The following SLC6A16 variants were observed in gnomAD, a reference collection of about 807,000 sequenced individuals.
The protein encoded by SLC6A16 is orphan sodium- and chloride-dependent neurotransmitter transporter NTT5.
SLC6A16 carries 54 observed loss-of-function variants against 65.4 expected under a neutral mutation model. The ratio of observed to expected loss-of-function variants is 0.83; its 90% CI spans 0.66 to 1.04. The LOEUF (loss-of-function observed/expected upper bound fraction) is 1.04, where lower values mean the gene tolerates loss of function less well. SLC6A16 is among the 50% of genes least tolerant of loss of function. The pLI is 0.00. For missense variants in SLC6A16, 816 were observed against 914.0 expected, an observed-to-expected ratio of 0.89 and a Z score of 1.38; for synonymous variants, 330 against 346.5, an observed-to-expected ratio of 0.95 and a Z score of 0.53.
At chr19:49,295,998 C>CT (rs947601767) in intron 7 of SLC6A16, among the ~76,000 whole-genome samples, 35 of 151,464 alleles carry the variant, frequency 2.3e-4, no homozygotes, top group East Asian at 1.2e-3. Flanking sequence ...TTTTCTTTTT[C>CT]TTTTTTTTTG....
At chr19:49,339,325 C>A in the SLC6A16 span, 2 of 1,613,618 alleles carry the variant, frequency 1.2e-6, no homozygotes, top group Non-Finnish European at 1.7e-6. This position sits in a 1 kb window ranked among gnomAD's most constrained non-coding sequence, Gnocchi z 4.5. Flanking sequence ...CCCTACACCC[C>A]CCAGGGCTGC....
the SLC6A16 span, chr19:49,331,720 T>C: frequency 2.2e-6 from 1 of 456,730 alleles, no homozygotes; most frequent in Non-Finnish European, 4.4e-6. Flanking sequence ...CATTTCAGGC[T>C]GAGTCTAGAA....
chr19:49,337,519 G>A, the SLC6A16 span: 2 of 754,556 alleles, frequency 2.7e-6, no homozygotes. Flanking sequence ...CTACTTGGGA[G>A]GTCGAGGTGG....
intron 5 of SLC6A16, 82 bp from the exon 6 acceptor site, chr19:49,309,493 C>CAG: frequency 7.6e-7 from 1 of 1,324,348 alleles, no homozygotes; most frequent in African/African-American, 1.5e-5. Flanking sequence ...AGTTCTGAGT[C>CAG]AGAAATGAGT....
intron 4 of SLC6A16, 31 bp downstream of exon 4, chr19:49,310,009 C>T (rs1462781143): frequency 6.2e-7 from 1 of 1,605,352 alleles, no homozygotes; most frequent in Admixed American, 1.7e-5. Context: ...CTCCATTTTT[C>T]CCTTCTCCTC....
intron 2 of SLC6A16, 145 bp from the exon 3 acceptor site, chr19:49,310,655 G>C: frequency 2.2e-6 from 2 of 890,938 alleles, no homozygotes; most frequent in South Asian, 3.4e-5. Context: ...CATCCCTCAC[G>C]GTCCCAAGTG....
intron 1 of SLC6A16, among the ~76,000 whole-genome samples, chr19:49,323,338 A>G (rs941765032): frequency 6.6e-6 from 1 of 151,984 alleles, no homozygotes; most frequent in African/African-American, 2.4e-5. Flanking sequence ...CAAAGGCAAA[A>G]GCAACAAAAG....
intron 1 of SLC6A16, among the ~76,000 whole-genome samples, chr19:49,323,666 AC>A (rs1398200708): frequency 6.6e-6 from 1 of 152,186 alleles, no homozygotes; most frequent in East Asian, 1.9e-4. Context: ...ATGAGATAAT[AC>A]CTCGCATCCA....
upstream of SLC6A16, among the ~76,000 whole-genome samples, chr19:49,329,684 G>A (rs1970830021): frequency 7.0e-6 from 1 of 142,228 alleles, no homozygotes; most frequent in Non-Finnish European, 1.5e-5. Context: ...CCAGGCTGGA[G>A]TGCAGTGGTG....
At chr19:49,337,394 T>C in the SLC6A16 span, 13 of 726,224 alleles carry the variant, frequency 1.8e-5, no homozygotes, top group Admixed American at 2.5e-4. Context: ...TCCCAGCACT[T>C]TGGGAGGCTG....
intron 2 of SLC6A16, among the ~76,000 whole-genome samples, 187 bp from the exon 3 acceptor site, chr19:49,310,697 C>A (rs904198443): frequency 6.6e-6 from 1 of 152,182 alleles, no homozygotes; most frequent in Non-Finnish European, 1.5e-5. Context: ...TCCTGGAAGA[C>A]CCAAGTACCT....
the SLC6A16 span, chr19:49,338,703 C>T: frequency 6.2e-7 from 1 of 1,609,560 alleles, no homozygotes; most frequent in Non-Finnish European, 8.5e-7. This position sits in a 1 kb window ranked among gnomAD's most constrained non-coding sequence, Gnocchi z 5.0. Flanking sequence ...CTCCCAGCTG[C>T]GCTGCTGCGG....
chr19:49,312,965 C>A (rs1045855306), intron 1 of SLC6A16, among the ~76,000 whole-genome samples: 4 of 151,020 alleles, frequency 2.6e-5, no homozygotes, highest in Non-Finnish European at 4.4e-5. Flanking sequence ...CGCCTGTAAT[C>A]TGAGCTACTC....
the SLC6A16 span, chr19:49,335,985 A>T: frequency 1.7e-6 from 1 of 604,876 alleles, no homozygotes; most frequent in Non-Finnish European, 2.9e-6. The surrounding 1 kb of genome is among the most constrained non-coding windows in gnomAD (Gnocchi z 4.6). Flanking sequence ...AATGATCATG[A>T]GAGCCATTTC....
rs963549061 is a variant in SLC6A16, at chr19:49,292,397, G to A, written c.1778+826C>T. 1.3e-5 allele frequency among the ~76,000 whole-genome samples: 2 copies of A among 152,070 alleles called. No individual in the cohort carries two copies. The highest frequency in any genetic ancestry group is 2.9e-5 in the Non-Finnish European group (2 of 68,000). On this transcript the variant is annotated intron_variant, in intron 10 of 11. Coordinates refer to ENST00000335875, the MANE Select transcript of SLC6A16 (RefSeq NM_014037.3). This position sits in a 1 kb window ranked among gnomAD's most constrained non-coding sequence, Gnocchi z 4.3. The stretch of plus-strand genomic sequence containing the variant: ...GAAAGAAAAAAAGAAATATTACATA[G>A]CTTCCAACTCTTATCCTGGCTTCAC...
chr19:49,327,079 A>T (rs1370422526), upstream of SLC6A16, among the ~76,000 whole-genome samples: 3 of 145,030 alleles, frequency 2.1e-5, no homozygotes, highest in African/African-American at 7.6e-5. Context: ...TTTCTATCGA[A>T]TTTTTTTTTT....
In SLC6A16 at chr19:49,290,189, A is replaced by C; in HGVS notation, c.2145T>G (p.Val715=). The change falls in exon 12 of 12, where the codon GTT becomes GTG. Residue 715 remains valine (V), a synonymous_variant. Transcript: ENST00000335875. ...LSHQLTPSKE[V]QKEEILQVDE... Reference sequence around the variant, plus strand: ...CAACTTGTAGAATTTCTTCCTTTTGAACCTCTTTACTGGGTGTTAGCTGGT... The same window carrying C: ...CAACTTGTAGAATTTCTTCCTTTTGCACCTCTTTACTGGGTGTTAGCTGGT... The C allele has an allele frequency of 8.7e-6, 14 of 1,614,122 alleles. No individual in the cohort carries two copies. Among genetic ancestry groups the C allele is most frequent in the Non-Finnish European group, 1.1e-5 (13 of 1,180,020 alleles).
chr19:49,291,372 A>G (rs999350028), intron 10 of SLC6A16, among the ~76,000 whole-genome samples: 3 of 151,888 alleles, frequency 2.0e-5, no homozygotes, highest in Admixed American at 6.5e-5. Flanking sequence ...TACCTCTACT[A>G]TAGACTTACC....
At chr19:49,325,225 C>A (rs74755847), upstream of SLC6A16, 1 of 985,468 alleles carries the variant, frequency 1.0e-6, no homozygotes, top group Non-Finnish European at 1.2e-6. Flanking sequence ...CGATTCTCTG[C>A]GCATGCGCCG....
Sources: allele counts gnomAD v4.1 joint callset (sites outside exome capture counted in the v4.1 genomes callset), GRCh38; gene constraint gnomAD v4.1.1; non-coding constraint Gnocchi (gnomAD v3.1); transcripts MANE v1.5; gene names NCBI Gene and HGNC (gene_info 2026-07-23, HGNC 2026-07-21).